The following STAU2 variants were observed in gnomAD, a reference collection of about 807,000 sequenced individuals.
The protein encoded by STAU2 is staufen double-stranded RNA binding protein 2, also known as double-stranded RNA-binding protein Staufen homolog 2.
STAU2 carries 20 observed loss-of-function variants against 65.9 expected under a neutral mutation model. The ratio of observed to expected loss-of-function variants is 0.30; its 90% CI spans 0.21 to 0.44. The LOEUF is 0.44. Ranked by LOEUF, STAU2 falls within the 20% of genes least tolerant of loss-of-function variation. STAU2 has a pLI of 1.00. For synonymous variants in STAU2, 232 were observed against 233.9 expected, an observed-to-expected ratio of 0.99 and a Z score of 0.07; for missense variants, 558 against 683.9, an observed-to-expected ratio of 0.82 and a Z score of 2.05.
At chr8:73,496,051 A>T (rs1821402503) in intron 13 of STAU2, among the ~76,000 whole-genome samples, 1 of 151,632 alleles carries the variant, frequency 6.6e-6, no homozygotes, top group Non-Finnish European at 1.5e-5. Flanking sequence ...TTTCTTTGAA[A>T]TCCAATTCAA....
intron 5 of STAU2, among the ~76,000 whole-genome samples, chr8:73,677,524 T>TA (rs1289883133): frequency 6.6e-6 from 1 of 152,214 alleles, no homozygotes; most frequent in Admixed American, 6.5e-5. Flanking sequence ...ACTATACCAT[T>TA]AAATGCAACA....
chr8:73,471,311 T>C (rs1349178371), intron 13 of STAU2, among the ~76,000 whole-genome samples: 3 of 151,800 alleles, frequency 2.0e-5, no homozygotes, highest in Non-Finnish European at 4.4e-5. Context: ...TAGCCAGGAC[T>C]ACAGGCACAC....
chr8:73,451,508 C>T (rs1029670816), intron 13 of STAU2, among the ~76,000 whole-genome samples: 1 of 151,828 alleles, frequency 6.6e-6, no homozygotes, highest in Admixed American at 6.6e-5. Context: ...AGAGAGAAAG[C>T]GTTCCTCTAA....
intron 13 of STAU2, among the ~76,000 whole-genome samples, chr8:73,437,776 C>T (rs78018949): frequency 0.03 from 4,579 of 152,122 alleles, 237 homozygotes; most frequent in Admixed American, 0.13. Context: ...TGCCAGGGGA[C>T]CTTCGGTTGC....
chr8:73,734,625 C>A (rs544055432), intron 3 of STAU2, among the ~76,000 whole-genome samples: 1 of 152,048 alleles, frequency 6.6e-6, no homozygotes, highest in African/African-American at 2.4e-5. Context: ...GAAACTCCAT[C>A]TCTACTAAGA....
At chr8:73,434,445 A>C (rs1444460084) in intron 13 of STAU2, among the ~76,000 whole-genome samples, 1 of 151,892 alleles carries the variant, frequency 6.6e-6, no homozygotes, top group Non-Finnish European at 1.5e-5. Flanking sequence ...TAGCAAGAGA[A>C]AATGAATACA....
rs150875537 is a variant in STAU2, at chr8:73,461,475, C to A, written c.1531-38773G>T. On this transcript the variant is annotated intron_variant, in intron 13 of 14. Transcript: ENST00000524300. ...TATTGGATAAGCAGTGGAAGCCATC[C>A]TCTGTGGTTTGAAAGACAATCATAA... Among the ~76,000 whole-genome samples, 56 of 152,150 alleles carry A rather than the reference C, an allele frequency of 3.7e-4. No homozygotes were observed. In the East Asian group the frequency reaches 0.011, roughly 29 times the overall value.
chr8:73,618,814 T>G (rs1813022950), intron 6 of STAU2, among the ~76,000 whole-genome samples: 1 of 152,206 alleles, frequency 6.6e-6, no homozygotes, highest in African/African-American at 2.4e-5. Context: ...AGATGAATTT[T>G]GAAAGTAGAG....
chr8:73,512,661 G>A (rs1053803762), intron 13 of STAU2, among the ~76,000 whole-genome samples: 3 of 151,884 alleles, frequency 2.0e-5, no homozygotes, highest in African/African-American at 7.3e-5. Flanking sequence ...GTATGTGTGT[G>A]GGGGGTGGGT....
At chr8:73,696,676 TAC>T (rs1819711041) in intron 4 of STAU2, among the ~76,000 whole-genome samples, 1 of 152,114 alleles carries the variant, frequency 6.6e-6, no homozygotes, top group African/African-American at 2.4e-5. Flanking sequence ...TATTTGAAAT[TAC>T]ACAGTTAGAA....
Position 73,728,308 on chromosome 8 carries a change from G to A in STAU2, c.-18+9976C>T, listed in dbSNP as rs1330220052. On this transcript the variant is annotated intron_variant, in intron 3 of 14. Coordinates refer to ENST00000524300, the MANE Select transcript of STAU2 (RefSeq NM_001164380.2). ...AGTCTATACATCTATCCTTATGCCA[G>A]TACCACACTATTTTGATCATTGTAG... is the stretch of plus-strand genomic sequence containing the variant. Among the ~76,000 whole-genome samples the A allele has an allele frequency of 2.6e-5, 4 of 152,240 alleles. No individual in the cohort carries two copies. In the East Asian group the frequency reaches 7.7e-4, roughly 29 times the overall value.
intron 13 of STAU2, among the ~76,000 whole-genome samples, chr8:73,507,332 T>C (rs1258299777): frequency 1.3e-5 from 2 of 152,124 alleles, no homozygotes; most frequent in African/African-American, 4.8e-5. Flanking sequence ...AATGCTGTAT[T>C]AGCAGGCATG....
intron 6 of STAU2, chr8:73,653,149 C>T (rs927389565): frequency 6.6e-6 from 1 of 152,108 alleles, no homozygotes. Flanking sequence ...TGACTGACAA[C>T]AATGATTTGG....
At chr8:73,558,636 A>T (rs1807960446) in intron 12 of STAU2, among the ~76,000 whole-genome samples, 1 of 152,220 alleles carries the variant, frequency 6.6e-6, no homozygotes, top group African/African-American at 2.4e-5. Flanking sequence ...GTTTGTGAGT[A>T]GCAAGTGGTA....
At chr8:73,505,141 C>T (rs1402717630) in intron 13 of STAU2, among the ~76,000 whole-genome samples, 1 of 152,128 alleles carries the variant, frequency 6.6e-6, no homozygotes, top group African/African-American at 2.4e-5. Context: ...AGTCATCGTT[C>T]TCCAAAAGGA....
chr8:73,479,472 G>GCACACACACACACACACACACA (rs5892420), intron 13 of STAU2, among the ~76,000 whole-genome samples: 150 of 139,938 alleles, frequency 1.1e-3, no homozygotes, highest in Middle Eastern at 7.0e-3. Context: ...TCCCTATTCT[G>GCACACACACACACACACACACA]CACACACACA....
chr8:73,523,435 T>C (rs1823170118), intron 13 of STAU2, among the ~76,000 whole-genome samples: 2 of 152,024 alleles, frequency 1.3e-5, no homozygotes, highest in Admixed American at 6.6e-5. Context: ...TTAGGCTTAA[T>C]CTAGTATTAT....
At chr8:73,677,793 T>G (rs746277513) in intron 5 of STAU2, among the ~76,000 whole-genome samples, 1 of 152,178 alleles carries the variant, frequency 6.6e-6, no homozygotes, top group Non-Finnish European at 1.5e-5. Context: ...AGACTTTATT[T>G]TAAAAGTTTA....
chr8:73,726,220 G>A (rs572853147), intron 3 of STAU2, among the ~76,000 whole-genome samples: 16 of 152,120 alleles, frequency 1.1e-4, no homozygotes, highest in Admixed American at 2.0e-4. Context: ...ATAAGTGGGA[G>A]CTAAATTTGT....
Sources: allele counts gnomAD v4.1 joint callset (sites outside exome capture counted in the v4.1 genomes callset), GRCh38; gene constraint gnomAD v4.1.1; transcripts MANE v1.5; gene names NCBI Gene and HGNC (gene_info 2026-07-23, HGNC 2026-07-21).